FCHO2: variants seen among roughly 807,000 people sequenced by gnomAD.
FCHO2 encodes FCH and mu domain containing endocytic adaptor 2, also known as F-BAR domain only protein 2.
A neutral mutation model predicts 114.1 loss-of-function variants in FCHO2; 43 were observed. The observed-to-expected ratio is 0.38, with a 90% CI of 0.30 to 0.49. FCHO2 has a LOEUF of 0.49. Among genes scored for constraint, FCHO2 ranks in the 20% least tolerant of loss-of-function variants. FCHO2 has a pLI of 0.97. For synonymous variants in FCHO2, 293 were observed against 315.2 expected, an observed-to-expected ratio of 0.93 and a Z score of 0.75; for missense variants, 807 against 950.4, an observed-to-expected ratio of 0.85 and a Z score of 1.98.
Position 73,054,440 on chromosome 5 carries a change from T to C in FCHO2, c.1186-85T>C, listed in dbSNP as rs1405449040. 4 of 1,170,476 alleles carry C rather than the reference T, an allele frequency of 3.4e-6. No individual in the cohort carries two copies. The African/African-American group carries it at 6.2e-5, about 18-fold the overall frequency. 72.5% of individuals were successfully genotyped at this position (1,170,476 alleles called of 1,614,324 possible). A position where few individuals can be genotyped will look rare whatever the true frequency, so the allele number is the denominator to read the frequency against. On this transcript the variant is annotated intron_variant, in intron 14 of 25. Coordinates refer to ENST00000430046, the MANE Select transcript of FCHO2 (RefSeq NM_138782.3). Reference sequence around the variant, plus strand: ...AGATATACTAAAAACAACATAAAATTAGGTTCCCAGTATTAACATTTTACC... The same window carrying C: ...AGATATACTAAAAACAACATAAAATCAGGTTCCCAGTATTAACATTTTACC...
At chr5:72,985,867 A>G (rs940685645) in intron 2 of FCHO2, among the ~76,000 whole-genome samples, 1 of 152,268 alleles carries the variant, frequency 6.6e-6, no homozygotes, top group Non-Finnish European at 1.5e-5. Context: ...TTATCCTCTT[A>G]AAGTTTGTTG....
chr5:73,005,966 G>T (rs967090141), intron 5 of FCHO2, among the ~76,000 whole-genome samples: 3 of 152,074 alleles, frequency 2.0e-5, no homozygotes, highest in African/African-American at 7.2e-5. Context: ...TTCGAGATAG[G>T]TTTATAGTTT....
intron 14 of FCHO2, 27 bp downstream of exon 14, chr5:73,054,198 C>T (rs1299074325): frequency 1.3e-6 from 2 of 1,501,342 alleles, no homozygotes; most frequent in Non-Finnish European, 1.8e-6. Flanking sequence ...ATATTTTTGC[C>T]CATTGACTTT....
At chr5:72,962,825 A>C (rs547795588) in intron 1 of FCHO2, among the ~76,000 whole-genome samples, 1 of 152,078 alleles carries the variant, frequency 6.6e-6, no homozygotes, top group Admixed American at 6.5e-5. Context: ...CCCGGGTGGC[A>C]GAGGTTGTAG....
At chr5:73,056,269 G>T (rs1489154751) in intron 16 of FCHO2, among the ~76,000 whole-genome samples, 162 bp downstream of exon 16, 1 of 152,094 alleles carries the variant, frequency 6.6e-6, no homozygotes, top group South Asian at 2.1e-4. Context: ...CACCAGAGTG[G>T]TACATTTGTT....
chr5:73,045,969 T>TTA (rs1011708535), intron 11 of FCHO2, among the ~76,000 whole-genome samples: 59 of 152,332 alleles, frequency 3.9e-4, no homozygotes, highest in African/African-American at 1.3e-3. Flanking sequence ...CATTGTGACT[T>TTA]TATAGAGTTT....
Position 73,081,900 on chromosome 5 carries a change from C to G in FCHO2, c.2098C>G (p.Pro700Ala), listed in dbSNP as rs1454263182. ...YKYNPEAMVA[P>A]SVLSNIQVVV... ...ATACAATCCAGAAGCTATGGTGGCA[C>G]CTAGTGTGCTTTCCAACATACAGGT... Residue 700 changes from proline to alanine, a missense_variant, in exon 23 of 26, where the codon CCT becomes GCT. By Grantham distance (27) the Pro-to-Ala change is conservative. Coordinates refer to ENST00000430046, the MANE Select transcript of FCHO2 (RefSeq NM_138782.3). 2 of 1,612,422 alleles carry G rather than the reference C, an allele frequency of 1.2e-6. No homozygotes were observed. Among genetic ancestry groups the G allele is most frequent in the East Asian group, 4.5e-5 (2 of 44,770 alleles).
chr5:72,974,938 T>C (rs1313414292), intron 2 of FCHO2, among the ~76,000 whole-genome samples: 1 of 152,158 alleles, frequency 6.6e-6, no homozygotes, highest in Non-Finnish European at 1.5e-5. Flanking sequence ...GTCTGTAAAG[T>C]ATTTTATTTC....
At chr5:73,028,733 C>T (rs1363432977) in intron 8 of FCHO2, among the ~76,000 whole-genome samples, 1 of 150,208 alleles carries the variant, frequency 6.7e-6, no homozygotes, top group African/African-American at 2.5e-5. Context: ...TCACTGCAAC[C>T]TCCACCTCCC....
chr5:72,964,630 C>G (rs112410178), intron 1 of FCHO2, among the ~76,000 whole-genome samples: 8 of 152,286 alleles, frequency 5.3e-5, no homozygotes, highest in African/African-American at 1.9e-4. Context: ...TCAGGTGATC[C>G]ACCCACCTTG....
At chr5:73,061,989 C>T (rs1757874651) in intron 17 of FCHO2, among the ~76,000 whole-genome samples, 1 of 152,062 alleles carries the variant, frequency 6.6e-6, no homozygotes, top group African/African-American at 2.4e-5. Flanking sequence ...AATGGTATGA[C>T]AAGCATGCTT....
Position 73,077,488 on chromosome 5 carries a change from G to A in FCHO2, c.1842G>A (p.Val614=). The A allele has an allele frequency of 6.3e-7, 1 of 1,594,470 alleles. No homozygotes were observed. Among genetic ancestry groups the A allele is most frequent in the Non-Finnish European group, 8.5e-7 (1 of 1,169,944 alleles). ...AGATTCTTCCAAATGCACAGCTTGT[G>A]TTCAGGTTTGTGTACTTTTTGTTTT... ...LEQILPNAQL[V]FSDPSQCDSN... is the part of the protein sequence containing the mutation. Residue 614 remains valine (V), a synonymous_variant, in exon 21 of 26, where the codon GTG becomes GTA. Transcript: ENST00000430046.
At chr5:72,994,049 G>A (rs1753949579) in intron 5 of FCHO2, among the ~76,000 whole-genome samples, 1 of 152,140 alleles carries the variant, frequency 6.6e-6, no homozygotes, top group Non-Finnish European at 1.5e-5. Context: ...GACACCTGAG[G>A]CAATACCATT....
At chr5:72,964,223 G>A (rs1240750639) in intron 1 of FCHO2, among the ~76,000 whole-genome samples, 1 of 151,994 alleles carries the variant, frequency 6.6e-6, no homozygotes. Flanking sequence ...ACTGGCAGAG[G>A]TGAACTATAA....
At chr5:73,026,474 A>G (rs1755923585) in intron 8 of FCHO2, among the ~76,000 whole-genome samples, 1 of 152,096 alleles carries the variant, frequency 6.6e-6, no homozygotes, top group African/African-American at 2.4e-5. Flanking sequence ...CCGTCTCAAA[A>G]AAAAAAAATT....
At chr5:73,085,671 AG>A (rs1231585821) in intron 24 of FCHO2, among the ~76,000 whole-genome samples, 2 of 152,054 alleles carry the variant, frequency 1.3e-5, no homozygotes, top group Non-Finnish European at 2.9e-5. Flanking sequence ...GTTACTCAGG[AG>A]GCTGAGGCAC....
intron 11 of FCHO2, among the ~76,000 whole-genome samples, chr5:73,047,037 T>C (rs1757092860): frequency 6.6e-6 from 1 of 152,244 alleles, no homozygotes; most frequent in African/African-American, 2.4e-5. Context: ...GGCAGCCTTT[T>C]CTTTCCATTA....
At chr5:72,995,698 AG>A (rs1414917510) in intron 5 of FCHO2, among the ~76,000 whole-genome samples, 1 of 152,090 alleles carries the variant, frequency 6.6e-6, no homozygotes, top group Non-Finnish European at 1.5e-5. Flanking sequence ...ACCTCATATG[AG>A]GGGGCTGAGT....
intron 12 of FCHO2, among the ~76,000 whole-genome samples, chr5:73,051,856 T>C (rs921319368): frequency 6.6e-6 from 1 of 151,760 alleles, no homozygotes; most frequent in Non-Finnish European, 1.5e-5. Flanking sequence ...AGGTGTGAGC[T>C]AACCCGACTG....
Sources: gnomAD v4.1 joint callset for allele counts (sites outside exome capture counted in the v4.1 genomes callset) on GRCh38, gnomAD v4.1.1 for gene constraint, MANE v1.5 for transcripts, NCBI Gene and HGNC (gene_info 2026-07-23, HGNC 2026-07-21) for gene names.